ZNF81: variants seen among roughly 807,000 people sequenced by gnomAD.
ZNF81 encodes the protein zinc finger protein 81 (HFZ20).
In ZNF81, 5 loss-of-function variants were observed where a neutral mutation model predicts 32.3. That is an observed-to-expected ratio of 0.15 (90% CI 0.08 to 0.33). ZNF81 has a LOEUF of 0.33. Among genes scored for constraint, ZNF81 ranks in the 10% least tolerant of loss-of-function variants. The pLI, the probability that ZNF81 is intolerant of heterozygous loss-of-function variation, is 1.00. For synonymous variants in ZNF81, 163 were observed against 166.8 expected (o/e 0.98, Z 0.17); for missense variants, 379 against 479.8 (o/e 0.79, Z 1.96).
At chrX:47,844,327 C>T in intron 1 of ZNF81, among the ~76,000 whole-genome samples, 1 of 111,124 alleles carries the variant, frequency 9.0e-6, no homozygotes, top group South Asian at 3.9e-4. Flanking sequence ...CCATTCATGC[C>T]ACCTCATACT....
At chrX:47,875,661 G>A (rs1369337313) in intron 2 of ZNF81, among the ~76,000 whole-genome samples, 3 of 112,219 alleles carry the variant, frequency 2.7e-5, no homozygotes, top group African/African-American at 9.7e-5. Flanking sequence ...GAACTTCCAG[G>A]CCATCCCATC....
intron 2 of ZNF81, among the ~76,000 whole-genome samples, chrX:47,852,300 G>A (rs1556881314): frequency 9.0e-6 from 1 of 111,675 alleles, no homozygotes; most frequent in Non-Finnish European, 1.9e-5. Flanking sequence ...ACACTGGGGT[G>A]GCTATAGCAA....
chrX:47,842,112 T>C (rs2058452029), intron 1 of ZNF81, among the ~76,000 whole-genome samples: 3 of 111,984 alleles, frequency 2.7e-5, no homozygotes, highest in South Asian at 7.4e-4. Context: ...ATCTGGAGAT[T>C]CTCCTGTTAT....
At chrX:47,864,477 A>C (rs1399126997) in intron 2 of ZNF81, among the ~76,000 whole-genome samples, 1 of 112,024 alleles carries the variant, frequency 8.9e-6, no homozygotes, top group Non-Finnish European at 1.9e-5. Flanking sequence ...TTAAGGAATG[A>C]TGCCATCAAT....
chrX:47,872,108 A>G (rs1556883986), intron 2 of ZNF81, among the ~76,000 whole-genome samples: 1 of 112,182 alleles, frequency 8.9e-6, no homozygotes, highest in African/African-American at 3.2e-5. Flanking sequence ...TGCTCTTTGC[A>G]GAAGCTGGAA....
At chrX:47,890,421 A>G (rs1556886346) in intron 3 of ZNF81, among the ~76,000 whole-genome samples, 1 of 112,292 alleles carries the variant, frequency 8.9e-6, no homozygotes, top group African/African-American at 3.2e-5. Flanking sequence ...TTCTGGCCCA[A>G]TAGCAAGCCA....
intron 2 of ZNF81, among the ~76,000 whole-genome samples, chrX:47,864,904 G>A (rs2058554397): frequency 1.8e-5 from 2 of 112,321 alleles, no homozygotes; most frequent in Admixed American, 1.9e-4. Context: ...TAGCTCAAGA[G>A]TTAAGAAATA....
chrX:47,847,897 T>G (rs1556880709), intron 2 of ZNF81, among the ~76,000 whole-genome samples: 2 of 106,429 alleles, frequency 1.9e-5, no homozygotes, highest in Non-Finnish European at 3.9e-5. Context: ...TGGCTGAGAA[T>G]AGAATTCTAG....
intron 2 of ZNF81, among the ~76,000 whole-genome samples, chrX:47,854,546 G>A (rs186314704): frequency 8.3e-4 from 93 of 111,737 alleles, no homozygotes; most frequent in African/African-American, 3.0e-3. Context: ...GGAGAGACAT[G>A]TGACTCTTCC....
At chrX:47,885,583 G>T (rs1344295882) in intron 2 of ZNF81, among the ~76,000 whole-genome samples, 1 of 111,570 alleles carries the variant, frequency 9.0e-6, no homozygotes, top group Non-Finnish European at 1.9e-5. Context: ...AGCAGCTTAG[G>T]TGTCCAGTGA....
chrX:47,905,409 T>TAAA (rs782351301), intron 4 of ZNF81, among the ~76,000 whole-genome samples: 6 of 29,445 alleles, frequency 2.0e-4, no homozygotes, highest in Non-Finnish European at 3.0e-4. Flanking sequence ...AGACTCCATC[T>TAAA]AAAAAAAAAA....
intron 4 of ZNF81, among the ~76,000 whole-genome samples, chrX:47,904,812 C>A (rs2058714205): frequency 9.0e-6 from 1 of 111,546 alleles, no homozygotes; most frequent in African/African-American, 3.3e-5. Flanking sequence ...TGGAACCAAC[C>A]CAAATGTCCA....
At chrX:47,871,235 G>A (rs1209309781) in intron 2 of ZNF81, among the ~76,000 whole-genome samples, 1 of 111,738 alleles carries the variant, frequency 8.9e-6, no homozygotes, top group Admixed American at 9.5e-5. Context: ...AGATATTTTA[G>A]TTCCCATGAA....
rs1337931070 is a variant in ZNF81, at chrX:47,920,344, G to A, written c.*3712G>A. The A allele has an allele frequency of 9.0e-6, 1 of 111,068 alleles. No homozygotes were observed. Among genetic ancestry groups the A allele is most frequent in the Non-Finnish European group, 1.9e-5 (1 of 53,037 alleles). The allele number at this position is 111,068 out of a possible 1,213,427, so 9.2% of individuals were successfully genotyped here. Reference sequence around the variant, plus strand: ...AGACAACTGTTATTACTTGGTTCTTGCTGACCTGGTGAGTTGGGGGGCAGG... The same window carrying A: ...AGACAACTGTTATTACTTGGTTCTTACTGACCTGGTGAGTTGGGGGGCAGG... On this transcript the variant is annotated 3_prime_UTR_variant, in exon 5 of 5. Coordinates refer to ENST00000338637, the MANE Select transcript of ZNF81 (RefSeq NM_007137.5).
At chrX:47,849,875 G>A (rs1287906914) in intron 2 of ZNF81, among the ~76,000 whole-genome samples, 4 of 111,734 alleles carry the variant, frequency 3.6e-5, no homozygotes, top group African/African-American at 9.8e-5. Flanking sequence ...GTGAGACAGT[G>A]CTCAATCTCA....
At position 47,916,428 on chromosome X, in the gene ZNF81, AC is replaced by A. The variant is rs782699779; in HGVS notation, c.1784del (p.Pro595HisfsTer74). Reference sequence around the variant, plus strand: ...ACTGTGAGAAATCCTTCTCCAAGAAACCACATCTCAAAGTACATCAACGAAT... The same window carrying A: ...ACTGTGAGAAATCCTTCTCCAAGAAACACATCTCAAAGTACATCAACGAAT... Reference protein sequence around the residue: ...PDCEKSFSKKPHLKVHQRIHT... With the variant: ...PDCEKSFSKKXHLKVHQRIHT... On this transcript the variant is annotated frameshift_variant, in exon 5 of 5. Transcript: ENST00000338637. LOFTEE classifies it high-confidence loss of function. 8.3e-7 allele frequency: 1 copy of A among 1,211,552 alleles called. No homozygotes were observed. Among genetic ancestry groups the A allele is most frequent in the Admixed American group, 2.2e-5 (1 of 45,978 alleles).
intron 3 of ZNF81, 98 bp downstream of exon 3, chrX:47,888,223 A>G (rs1556886102): frequency 9.4e-7 from 1 of 1,066,891 alleles, no homozygotes; most frequent in African/African-American, 1.9e-5. Flanking sequence ...CCAGCCCCCC[A>G]GAATGTGACC....
chrX:47,885,040 G>T (rs1556885594), intron 2 of ZNF81, among the ~76,000 whole-genome samples: 1 of 111,727 alleles, frequency 9.0e-6, no homozygotes, highest in East Asian at 2.8e-4. Flanking sequence ...CCTAATCAAA[G>T]AACTCCTAAC....
At chrX:47,860,178 CTT>C (rs35562353) in intron 2 of ZNF81, among the ~76,000 whole-genome samples, 5 of 91,651 alleles carry the variant, frequency 5.5e-5, no homozygotes, top group Non-Finnish European at 8.6e-5. Context: ...ATGAGATGAC[CTT>C]TTTTTTTTTT....
Sources: allele counts gnomAD v4.1 joint callset (sites outside exome capture counted in the v4.1 genomes callset), GRCh38; gene constraint gnomAD v4.1.1; transcripts MANE v1.5; gene names NCBI Gene and HGNC (gene_info 2026-07-23, HGNC 2026-07-21).